The following CTNNA3 variants were observed in gnomAD, a reference collection of about 807,000 sequenced individuals.
The protein encoded by CTNNA3 is catenin alpha-3.
In CTNNA3, 76 loss-of-function variants were observed where a neutral mutation model predicts 95.7. That is an observed-to-expected ratio of 0.79 (90% CI 0.66 to 0.96). The LOEUF (loss-of-function observed/expected upper bound fraction) is 0.96, where lower values mean the gene tolerates loss of function less well. Among genes scored for constraint, CTNNA3 ranks in the 40% least tolerant of loss-of-function variants. The pLI is 0.00. For missense variants in CTNNA3, 1,191 were observed against 1,089.8 expected (o/e 1.09, Z -1.31); for synonymous variants, 431 against 374.4 (o/e 1.15, Z -1.74).
chr10:67,209,777 C>CAA (rs145387974), intron 6 of CTNNA3, among the ~76,000 whole-genome samples: 6,191 of 144,254 alleles, frequency 0.043, 163 homozygotes, highest in South Asian at 0.089. Context: ...TAGTATAAGG[C>CAA]AAAGAAAAAA....
intron 15 of CTNNA3, among the ~76,000 whole-genome samples, chr10:66,058,260 C>A (rs10822700): frequency 0.25 from 38,087 of 151,948 alleles, 4,886 homozygotes; most frequent in South Asian, 0.32. Context: ...GAAGTGAGGC[C>A]AGGTGAGTTT....
At chr10:67,258,224 A>G (rs867772125) in intron 5 of CTNNA3, among the ~76,000 whole-genome samples, 1 of 151,888 alleles carries the variant, frequency 6.6e-6, no homozygotes, top group African/African-American at 2.4e-5. Context: ...GTTCATTGCA[A>G]CCTCCGCCTC....
At chr10:67,322,654 T>C (rs941503628) in intron 5 of CTNNA3, among the ~76,000 whole-genome samples, 6 of 152,222 alleles carry the variant, frequency 3.9e-5, no homozygotes, top group African/African-American at 1.4e-4. Flanking sequence ...TCCATGTCTT[T>C]GCTATTGTGA....
chr10:67,186,026 A>G (rs1018896562), intron 6 of CTNNA3, among the ~76,000 whole-genome samples: 54 of 131,412 alleles, frequency 4.1e-4, no homozygotes, highest in African/African-American at 1.4e-3. Flanking sequence ...ACTCCGTCTC[A>G]CAAAAAAAAA....
At chr10:67,094,192 C>T (rs1374881317) in intron 7 of CTNNA3, among the ~76,000 whole-genome samples, 1 of 151,776 alleles carries the variant, frequency 6.6e-6, no homozygotes, top group African/African-American at 2.4e-5. Flanking sequence ...TAATTAGAAG[C>T]AAAAATATCC....
chr10:67,462,820 C>T (rs1847431249), intron 5 of CTNNA3, among the ~76,000 whole-genome samples: 1 of 152,118 alleles, frequency 6.6e-6, no homozygotes. Flanking sequence ...GTTATGGAAT[C>T]TCACTAACAC....
At chr10:66,293,651 T>G (rs2091726766) in intron 12 of CTNNA3, among the ~76,000 whole-genome samples, 1 of 147,904 alleles carries the variant, frequency 6.8e-6, no homozygotes, top group East Asian at 2.0e-4. Context: ...TCAGCATTAT[T>G]TTTTCTTTTT....
intron 10 of CTNNA3, among the ~76,000 whole-genome samples, chr10:66,588,963 A>C (rs925701003): frequency 3.3e-5 from 5 of 152,046 alleles, no homozygotes; most frequent in Admixed American, 6.5e-5. Flanking sequence ...GGTTATAAAA[A>C]CCCAAAATTT....
chr10:66,347,115 C>A (rs1329826745), intron 12 of CTNNA3, among the ~76,000 whole-genome samples: 1 of 151,776 alleles, frequency 6.6e-6, no homozygotes, highest in Non-Finnish European at 1.5e-5. Context: ...ATCATAAAAT[C>A]AGAAAACAAA....
chr10:66,490,522 G>T (rs1161851417), intron 11 of CTNNA3, among the ~76,000 whole-genome samples: 1 of 152,124 alleles, frequency 6.6e-6, no homozygotes, highest in East Asian at 1.9e-4. Flanking sequence ...ATCTTATACA[G>T]GTTAAATCTG....
At chr10:67,223,554 G>A (rs955950845) in intron 5 of CTNNA3, among the ~76,000 whole-genome samples, 3 of 152,102 alleles carry the variant, frequency 2.0e-5, no homozygotes, top group African/African-American at 7.2e-5. Context: ...TCCAGCTGAC[G>A]AAGAAACACA....
At chr10:67,203,024 A>G (rs1020451078) in intron 6 of CTNNA3, among the ~76,000 whole-genome samples, 1 of 152,138 alleles carries the variant, frequency 6.6e-6, no homozygotes, top group Non-Finnish European at 1.5e-5. Flanking sequence ...ACTAACTCCA[A>G]AAAAAGGTAT....
chr10:67,133,345 T>A (rs1370846054), intron 7 of CTNNA3, among the ~76,000 whole-genome samples: 6 of 54,744 alleles, frequency 1.1e-4, no homozygotes, highest in South Asian at 6.0e-4. Context: ...ACACACACAA[T>A]GGTAGATACA....
intron 9 of CTNNA3, among the ~76,000 whole-genome samples, chr10:66,652,900 T>A (rs550384961): frequency 5.5e-4 from 84 of 152,236 alleles, no homozygotes; most frequent in Middle Eastern, 6.8e-3. Context: ...TATGATCATG[T>A]CCATGGATGA....
intron 3 of CTNNA3, among the ~76,000 whole-genome samples, chr10:67,564,498 T>TGGGGGGG (rs779669477): frequency 2.0e-5 from 1 of 49,088 alleles, no homozygotes; most frequent in African/African-American, 8.8e-5. Context: ...TGTCATGGGG[T>TGGGGGGG]GGGGGGAGGG....
chr10:67,308,016 A>G (rs1403507815), intron 5 of CTNNA3, among the ~76,000 whole-genome samples: 1 of 152,226 alleles, frequency 6.6e-6, no homozygotes, highest in Non-Finnish European at 1.5e-5. Flanking sequence ...CCATTCTCAG[A>G]AGGTCCTGTG....
chr10:66,018,839 G>A (rs564543711), intron 15 of CTNNA3, among the ~76,000 whole-genome samples: 36 of 151,950 alleles, frequency 2.4e-4, no homozygotes, highest in South Asian at 1.9e-3. Context: ...GAATTACATA[G>A]ACTACATCTT....
intron 5 of CTNNA3, among the ~76,000 whole-genome samples, chr10:67,520,225 T>G (rs187054736): frequency 5.9e-5 from 9 of 152,328 alleles, no homozygotes; most frequent in African/African-American, 2.2e-4. Context: ...TAGGCATATA[T>G]GTATACACTC....
chr10:67,615,506 C>T (rs1022441262), intron 2 of CTNNA3, among the ~76,000 whole-genome samples: 6 of 152,160 alleles, frequency 3.9e-5, no homozygotes, highest in Non-Finnish European at 8.8e-5. Context: ...CAAAAACAAA[C>T]GAGTTTGGAC....
Sources: allele counts gnomAD v4.1 joint callset (sites outside exome capture counted in the v4.1 genomes callset), GRCh38; gene constraint gnomAD v4.1.1; transcripts MANE v1.5; gene names NCBI Gene and HGNC (gene_info 2026-07-23, HGNC 2026-07-21).